Variants in FAM133B observed in about 807,000 individuals in gnomAD.
The protein encoded by FAM133B is protein FAM133B.
In FAM133B, 25 loss-of-function variants were observed where a neutral mutation model predicts 46.4. The ratio of observed to expected loss-of-function variants is 0.54; its 90% CI spans 0.39 to 0.75. FAM133B has a LOEUF of 0.75. Among genes scored for constraint, FAM133B ranks in the 30% least tolerant of loss-of-function variants. The pLI is 0.00. For synonymous variants in FAM133B, 75 were observed against 86.0 expected, an observed-to-expected ratio of 0.87 and a Z score of 0.71; for missense variants, 205 against 277.6, an observed-to-expected ratio of 0.74 and a Z score of 1.86.
intron 1 of FAM133B, among the ~76,000 whole-genome samples, chr7:92,583,468 A>T (rs189407031): frequency 1.4e-4 from 21 of 152,358 alleles, no homozygotes; most frequent in African/African-American, 5.0e-4. Flanking sequence ...TTTGTTATAC[A>T]TATTTTAGCT....
At chr7:92,586,444 G>GA (rs1795039884) in intron 1 of FAM133B, among the ~76,000 whole-genome samples, 1 of 152,172 alleles carries the variant, frequency 6.6e-6, no homozygotes, top group Admixed American at 6.5e-5. Context: ...GTATCAGTGT[G>GA]AAAAATAATG....
intron 8 of FAM133B, among the ~76,000 whole-genome samples, chr7:92,573,393 G>A (rs1177674490): frequency 6.6e-6 from 1 of 151,366 alleles, no homozygotes; most frequent in Non-Finnish European, 1.5e-5. Flanking sequence ...GGCCTTAAGT[G>A]ATCCTCCTGC....
intron 1 of FAM133B, chr7:92,585,430 A>G: frequency 1.1e-6 from 1 of 911,924 alleles, no homozygotes. Context: ...AGAATTGTAA[A>G]AACTGTTTAT....
At chr7:92,578,889 T>C (rs1562895391) in intron 3 of FAM133B, among the ~76,000 whole-genome samples, 1 of 149,204 alleles carries the variant, frequency 6.7e-6, no homozygotes, top group African/African-American at 2.5e-5. Flanking sequence ...CTACTAAAGA[T>C]AAAAAAAAAA....
intron 1 of FAM133B, among the ~76,000 whole-genome samples, chr7:92,587,629 G>A (rs1335908204): frequency 2.0e-5 from 3 of 152,134 alleles, no homozygotes; most frequent in East Asian, 3.9e-4. Context: ...AGCTACTTGG[G>A]AGGCTGACGT....
intron 1 of FAM133B, chr7:92,590,016 A>ACCAGCAGCG: frequency 1.7e-6 from 1 of 588,188 alleles, no homozygotes; most frequent in Non-Finnish European, 3.0e-6. Context: ...AAGAGTGCAA[A>ACCAGCAGCG]CCAGCAGCGC....
At chr7:92,584,463 C>T (rs1794982798) in intron 1 of FAM133B, among the ~76,000 whole-genome samples, 1 of 152,104 alleles carries the variant, frequency 6.6e-6, no homozygotes, top group Non-Finnish European at 1.5e-5. Flanking sequence ...ATAAACAACA[C>T]ATACTGAGAA....
At chr7:92,583,126 A>G (rs1200310259) in intron 1 of FAM133B, among the ~76,000 whole-genome samples, 1 of 152,262 alleles carries the variant, frequency 6.6e-6, no homozygotes, top group African/African-American at 2.4e-5. Flanking sequence ...ATATACATAC[A>G]ATGGAATATT....
At chr7:92,566,094 G>T (rs1794340653) in intron 9 of FAM133B, 33 bp from the exon 10 acceptor site, 2 of 1,606,094 alleles carry the variant, frequency 1.2e-6, no homozygotes, top group Non-Finnish European at 1.7e-6. Context: ...GAGAACAGAA[G>T]ACAAACATGT....
Position 92,579,357 on chromosome 7 carries a change from CCTTT to C in FAM133B, c.157_160del (p.Lys53AlafsTer12), listed in dbSNP as rs762715509. The C allele has an allele frequency of 1.4e-5, 23 of 1,609,690 alleles. No homozygotes were observed. The highest frequency in any genetic ancestry group is 2.2e-5 in the East Asian group (1 of 44,824). ...TTCAAATTCAGCCAAAGCCTTGGAG[CCTTT>C]CTTTTTCTTTTCTAGTTGCTCTTTT... is the stretch of plus-strand genomic sequence containing the variant. On this transcript the variant is annotated frameshift_variant, in exon 3 of 11. Transcript: ENST00000445716. LOFTEE classifies it high-confidence loss of function.
chr7:92,581,826 G>C (rs1455440988), intron 1 of FAM133B: 4 of 399,650 alleles, frequency 1.0e-5, no homozygotes, highest in Non-Finnish European at 1.8e-5. Flanking sequence ...GTGTGTGTGT[G>C]TGTGTGTTTT....
At position 92,579,410 on chromosome 7, in the gene FAM133B, T is replaced by G. The variant is rs367551102; in HGVS notation, c.123-15A>C. The G allele has an allele frequency of 7.0e-6, 11 of 1,569,934 alleles. No individual in the cohort carries two copies. Among genetic ancestry groups the G allele is most frequent in the Non-Finnish European group, 7.8e-6 (9 of 1,155,176 alleles). ...TTACTTCTTCCCTTAAAAAATAGAA[T>G]GTACAAACAAAATTTCAAGCAATTC... On this transcript the variant is annotated splice_polypyrimidine_tract_variant and intron_variant, in intron 2 of 10. Transcript: ENST00000445716.
chr7:92,570,628 C>G (rs1345899760), intron 8 of FAM133B, among the ~76,000 whole-genome samples: 1 of 151,966 alleles, frequency 6.6e-6, no homozygotes, highest in Non-Finnish European at 1.5e-5. Flanking sequence ...ATAACAAAAA[C>G]AAAACTACCC....
chr7:92,587,213 CT>C (rs1795059975), intron 1 of FAM133B, among the ~76,000 whole-genome samples: 1 of 152,202 alleles, frequency 6.6e-6, no homozygotes, highest in Admixed American at 6.5e-5. Flanking sequence ...ATCCTATCAT[CT>C]TTAAAACTAT....
chr7:92,562,757 C>T (rs1161629485), intron 10 of FAM133B, among the ~76,000 whole-genome samples: 3 of 152,138 alleles, frequency 2.0e-5, no homozygotes, highest in Non-Finnish European at 2.9e-5. Context: ...AAATAGTTTT[C>T]AGACAGAACA....
At chr7:92,579,237 C>G in intron 3 of FAM133B, 80 bp downstream of exon 3, 1 of 1,303,972 alleles carries the variant, frequency 7.7e-7, no homozygotes, top group Non-Finnish European at 1.1e-6. Context: ...TTTCGGCCTC[C>G]CAAAGTGCTG....
At chr7:92,564,483 C>T (rs963517650) in intron 10 of FAM133B, among the ~76,000 whole-genome samples, 2 of 152,216 alleles carry the variant, frequency 1.3e-5, no homozygotes, top group African/African-American at 4.8e-5. Context: ...ATCCGAACCA[C>T]AGACCAAAGC....
intron 7 of FAM133B, 50 bp from the exon 8 acceptor site, chr7:92,575,871 TAC>T: frequency 1.1e-6 from 1 of 878,304 alleles, no homozygotes; most frequent in South Asian, 1.6e-5. Context: ...GACACAGCAT[TAC>T]AGAACAAGGA....
intron 1 of FAM133B, among the ~76,000 whole-genome samples, chr7:92,588,288 T>G (rs982502403): frequency 6.6e-6 from 1 of 152,206 alleles, no homozygotes; most frequent in Non-Finnish European, 1.5e-5. Flanking sequence ...TAGAGGAATG[T>G]TTCAACCAAA....
Sources: allele counts gnomAD v4.1 joint callset (sites outside exome capture counted in the v4.1 genomes callset), GRCh38; gene constraint gnomAD v4.1.1; transcripts MANE v1.5; gene names NCBI Gene and HGNC (gene_info 2026-07-23, HGNC 2026-07-21).